Variants in ERCC8 observed in about 807,000 individuals in gnomAD.
ERCC8 encodes the protein DNA excision repair protein ERCC-8.
ERCC8 carries 52 observed loss-of-function variants against 54.9 expected under a neutral mutation model. That is an observed-to-expected ratio of 0.95 (90% CI 0.76 to 1.19). ERCC8 has a LOEUF of 1.19. Ranked by LOEUF, ERCC8 falls within the 50% of genes most tolerant of loss-of-function variation. The pLI, the probability that ERCC8 is intolerant of heterozygous loss-of-function variation, is 0.00. For missense variants in ERCC8, 514 were observed against 466.1 expected, an observed-to-expected ratio of 1.10 and a Z score of -0.95; for synonymous variants, 146 against 157.2, an observed-to-expected ratio of 0.93 and a Z score of 0.53.
At chr5:60,887,617 T>C in intron 10 of ERCC8, 97 bp from the exon 11 acceptor site, 2 of 893,634 alleles carry the variant, frequency 2.2e-6, no homozygotes, top group South Asian at 2.7e-5. Flanking sequence ...TCATAATAAT[T>C]AGATTAATGC....
chr5:60,940,522 A>C lies in ERCC8; in HGVS notation c.77+4410T>G, dbSNP rs147381360. Among the ~76,000 whole-genome samples, 499 of 152,356 alleles carry C rather than the reference A, an allele frequency of 3.3e-3. 2 individuals carry two copies. The highest frequency in any genetic ancestry group is 0.012 in the African/African-American group (483 of 41,580). Reference sequence around the variant, plus strand: ...AACAGGGAGTCCCAGAGAACTGGGAAGCATCCAGGAGATCACAGAGAAGAA... The same window carrying C: ...AACAGGGAGTCCCAGAGAACTGGGACGCATCCAGGAGATCACAGAGAAGAA... On this transcript the variant is annotated intron_variant, in intron 1 of 11. Transcript: ENST00000676185.
Position 60,922,114 on chromosome 5 carries a change from T to C in ERCC8, c.215A>G (p.Asp72Gly), listed in dbSNP as rs1235350441. The C allele has an allele frequency of 6.2e-7, 1 of 1,610,590 alleles. No homozygotes were observed. Among genetic ancestry groups the C allele is most frequent in the Admixed American group, 1.7e-5 (1 of 59,862 alleles). ...GGSDGVIVLY[D>G]LENSSRQSYY... The stretch of plus-strand genomic sequence containing the variant: ...AGATTGTCTGCTGGAGTTCTCAAGG[T>C]CATAAAGTACAATCACACCATCTGA... The change falls in exon 3 of 12, where the codon GAC becomes GGC. Residue 72 changes from aspartate to glycine, a missense_variant. Asp to Gly is a moderately conservative substitution (Grantham distance 94). Coordinates refer to ENST00000676185, the MANE Select transcript of ERCC8 (RefSeq NM_000082.4).
intron 1 of ERCC8, among the ~76,000 whole-genome samples, chr5:60,938,024 T>TAC (rs1561518821): frequency 1.6e-4 from 13 of 82,520 alleles, no homozygotes; most frequent in South Asian, 4.0e-4. Context: ...TGTGTGTGTG[T>TAC]ATACATACAT....
chr5:60,880,454 G>A (rs1014786925), intron 11 of ERCC8, among the ~76,000 whole-genome samples: 9 of 152,202 alleles, frequency 5.9e-5, no homozygotes, highest in Non-Finnish European at 1.2e-4. Flanking sequence ...ATATCCTGCA[G>A]AGTGTTTTCC....
At chr5:60,920,818 T>C (rs886654897) in intron 3 of ERCC8, among the ~76,000 whole-genome samples, 2 of 151,930 alleles carry the variant, frequency 1.3e-5, no homozygotes, top group East Asian at 1.9e-4. Flanking sequence ...GAATATTATG[T>C]AGCACGTAGA....
At chr5:60,933,225 T>C (rs1466956005) in intron 1 of ERCC8, among the ~76,000 whole-genome samples, 11 of 137,508 alleles carry the variant, frequency 8.0e-5, no homozygotes, top group Non-Finnish European at 1.3e-4. Flanking sequence ...TCTTTTTTTT[T>C]TTTTTTTTTT....
chr5:60,874,176 C>A lies in ERCC8; in HGVS notation c.*439G>T, dbSNP rs4647155. On this transcript the variant is annotated 3_prime_UTR_variant, in exon 12 of 12. Coordinates refer to ENST00000676185, the MANE Select transcript of ERCC8 (RefSeq NM_000082.4). Reference sequence around the variant, plus strand: ...TAAAATAATTTTGATGTTACCATTTCAACTACTATTTTTGATATAATCATT... The same window carrying A: ...TAAAATAATTTTGATGTTACCATTTAAACTACTATTTTTGATATAATCATT... 0.085 allele frequency: 13,037 copies of A among 154,122 alleles called. 1,898 individuals are homozygous for A. Among genetic ancestry groups the A allele is most frequent in the African/African-American group, 0.3 (12,366 of 41,490 alleles). 9.5% of individuals were successfully genotyped at this position (154,122 alleles called of 1,614,324 possible). A position where few individuals can be genotyped will look rare whatever the true frequency, so the allele number is the denominator to read the frequency against.
intron 9 of ERCC8, among the ~76,000 whole-genome samples, chr5:60,897,287 G>C (rs534916726): frequency 6.6e-6 from 1 of 152,200 alleles, no homozygotes; most frequent in African/African-American, 2.4e-5. Flanking sequence ...TCTTTGCTTT[G>C]CTTTTCTTCA....
rs555955317 is a variant in ERCC8, at chr5:60,880,108, T to C, written c.1123-5425A>G. Among the ~76,000 whole-genome samples the C allele has an allele frequency of 9.8e-5, 15 of 152,348 alleles. No individual in the cohort carries two copies. The South Asian group carries it at 3.1e-3, about 32-fold the overall frequency. ...TTTGCTTGTCTGTGAAGGATTTTAT[T>C]TCTCCTTCACTTACGAAGCTTAGTT... On this transcript the variant is annotated intron_variant, in intron 11 of 11. Coordinates refer to ENST00000676185, the MANE Select transcript of ERCC8 (RefSeq NM_000082.4).
intron 11 of ERCC8, among the ~76,000 whole-genome samples, chr5:60,878,536 C>T (rs1253592825): frequency 6.6e-6 from 1 of 152,152 alleles, no homozygotes; most frequent in Non-Finnish European, 1.5e-5. Flanking sequence ...TCAATGATTG[C>T]CTCAATTTCA....
chr5:60,879,673 G>C (rs539715017), intron 11 of ERCC8, among the ~76,000 whole-genome samples: 21 of 152,190 alleles, frequency 1.4e-4, no homozygotes, highest in African/African-American at 4.6e-4. Context: ...TTTTATCAGA[G>C]ACTAGGATTA....
At chr5:60,898,943 A>G (rs1748795989) in intron 8 of ERCC8, among the ~76,000 whole-genome samples, 1 of 151,422 alleles carries the variant, frequency 6.6e-6, no homozygotes, top group Non-Finnish European at 1.5e-5. Context: ...CATGTTTCAT[A>G]AGGTTTTTTA....
chr5:60,887,765 C>A (rs954057994), intron 10 of ERCC8, among the ~76,000 whole-genome samples: 8 of 151,928 alleles, frequency 5.3e-5, no homozygotes, highest in Admixed American at 6.6e-5. Context: ...ACAAACACAC[C>A]CCAAATCCTA....
chr5:60,886,338 G>C (rs1210148266), intron 11 of ERCC8, among the ~76,000 whole-genome samples: 1 of 152,102 alleles, frequency 6.6e-6, no homozygotes, highest in Non-Finnish European at 1.5e-5. Flanking sequence ...ACTGATTTAT[G>C]TTCTACGAAA....
chr5:60,893,590 G>C (rs913281483), intron 9 of ERCC8: 10 of 646,918 alleles, frequency 1.5e-5, no homozygotes, highest in Non-Finnish European at 2.8e-5. Context: ...TGATCAGCTT[G>C]AAAGCAGATA....
Position 60,893,409 on chromosome 5 carries a change from CA to C in ERCC8, c.844-2324del. ...GCTTGCTGCTTCTCCCTCATCTCCTCAACCCTCTTCTTTATTTCAGCCTCTC... is the reference window on the plus strand; with the variant it reads ...GCTTGCTGCTTCTCCCTCATCTCCTCACCCTCTTCTTTATTTCAGCCTCTC... On this transcript the variant is annotated intron_variant, in intron 9 of 11. Coordinates refer to ENST00000676185, the MANE Select transcript of ERCC8 (RefSeq NM_000082.4). 6 of 894,306 alleles carry C rather than the reference CA, an allele frequency of 6.7e-6. No homozygotes were observed. In the South Asian group the frequency reaches 7.9e-5, roughly 12 times the overall value. The allele number at this position is 894,306 out of a possible 1,614,324, so 55.4% of individuals were successfully genotyped here.
At chr5:60,926,771 T>C (rs1470696794) in intron 2 of ERCC8, among the ~76,000 whole-genome samples, 1 of 152,232 alleles carries the variant, frequency 6.6e-6, no homozygotes, top group Non-Finnish European at 1.5e-5. Flanking sequence ...TTAATCTTCA[T>C]GAAACGTTGC....
chr5:60,943,156 A>G (rs1750313630), intron 1 of ERCC8, among the ~76,000 whole-genome samples: 1 of 152,116 alleles, frequency 6.6e-6, no homozygotes, highest in African/African-American at 2.4e-5. Context: ...CTGTGGTCCC[A>G]GCTACTTAGG....
At chr5:60,927,827 T>A (rs1749795697) in intron 2 of ERCC8, among the ~76,000 whole-genome samples, 1 of 152,200 alleles carries the variant, frequency 6.6e-6, no homozygotes. Flanking sequence ...ATCTTTTAGA[T>A]TTAACCACAT....
Sources: allele counts gnomAD v4.1 joint callset (sites outside exome capture counted in the v4.1 genomes callset), GRCh38; gene constraint gnomAD v4.1.1; transcripts MANE v1.5; gene names NCBI Gene and HGNC (gene_info 2026-07-23, HGNC 2026-07-21).